The following ST18 variants were observed in gnomAD, a reference collection of about 807,000 sequenced individuals.
ST18 encodes ST18 C2H2C-type zinc finger transcription factor, also known as suppression of tumorigenicity 18 protein.
ST18 carries 50 observed loss-of-function variants against 110.0 expected under a neutral mutation model. The ratio of observed to expected loss-of-function variants is 0.45; its 90% confidence interval spans 0.36 to 0.58. The LOEUF (loss-of-function observed/expected upper bound fraction) is 0.58, where lower values mean the gene tolerates loss of function less well. ST18 is among the 20% of genes least tolerant of loss of function. ST18 has a pLI of 0.00. For synonymous variants in ST18, 461 were observed against 452.4 expected, an observed-to-expected ratio of 1.02 and a Z score of -0.24; for missense variants, 1,306 against 1,280.1, an observed-to-expected ratio of 1.02 and a Z score of -0.31.
chr8:52,255,549 T>C (rs1027397277), intron 2 of ST18, among the ~76,000 whole-genome samples: 19 of 152,168 alleles, frequency 1.2e-4, no homozygotes, highest in African/African-American at 4.6e-4. Flanking sequence ...ACAAGACTTT[T>C]CATACTAACC....
intron 2 of ST18, among the ~76,000 whole-genome samples, chr8:52,306,552 A>G (rs1589769412): frequency 6.6e-6 from 1 of 152,250 alleles, no homozygotes; most frequent in Non-Finnish European, 1.5e-5. Flanking sequence ...GTGTGAGGTC[A>G]AAAGGGAAAT....
intron 8 of ST18, among the ~76,000 whole-genome samples, chr8:52,208,183 G>T (rs1262607811): frequency 2.6e-5 from 4 of 152,154 alleles, no homozygotes; most frequent in Admixed American, 2.6e-4. Flanking sequence ...ATTTAAATTA[G>T]TTTCATTTGT....
chr8:52,118,210 T>C, intron 24 of ST18, 128 bp downstream of exon 24: 2 of 592,586 alleles, frequency 3.4e-6, no homozygotes. Context: ...AATTATGGAA[T>C]CTAGAAACAC....
chr8:52,209,789 ATATAT>A (rs1295894433), intron 8 of ST18, among the ~76,000 whole-genome samples: 86 of 82,900 alleles, frequency 1.0e-3, no homozygotes, highest in African/African-American at 4.4e-3. Flanking sequence ...AAAAAAAAAA[ATATAT>A]ATATATATAT....
At chr8:52,242,525 GA>G (rs2093510919) in intron 2 of ST18, among the ~76,000 whole-genome samples, 1 of 152,152 alleles carries the variant, frequency 6.6e-6, no homozygotes, top group African/African-American at 2.4e-5. Flanking sequence ...TTGTGAGAAT[GA>G]AAAGAATTAA....
At chr8:52,153,518 C>T (rs2059308877) in intron 15 of ST18, among the ~76,000 whole-genome samples, 1 of 152,276 alleles carries the variant, frequency 6.6e-6, no homozygotes, top group East Asian at 1.9e-4. Flanking sequence ...ATGAAAATAT[C>T]TTACTCTTAC....
chr8:52,196,746 G>A (rs1175227898), intron 8 of ST18, among the ~76,000 whole-genome samples: 3 of 152,248 alleles, frequency 2.0e-5, no homozygotes, highest in African/African-American at 2.4e-5. Context: ...TGTATATAGG[G>A]TTTGGTACTA....
intron 8 of ST18, among the ~76,000 whole-genome samples, chr8:52,211,527 C>T (rs956488866): frequency 6.6e-6 from 1 of 151,876 alleles, no homozygotes; most frequent in Non-Finnish European, 1.5e-5. Context: ...CTGCCACAGC[C>T]TCCTGAGTAG....
chr8:52,305,103 T>A (rs1349966133), intron 2 of ST18, among the ~76,000 whole-genome samples: 1 of 152,184 alleles, frequency 6.6e-6, no homozygotes, highest in Non-Finnish European at 1.5e-5. Flanking sequence ...TAAGTAGTAG[T>A]AGGAAATTCT....
chr8:52,191,604 AGTTAGTTCGTACATG>A (rs2074509098), intron 8 of ST18, among the ~76,000 whole-genome samples: 2 of 152,236 alleles, frequency 1.3e-5, no homozygotes, highest in South Asian at 4.2e-4. Flanking sequence ...GAAAAGGAAG[AGTTAGTTCGTACATG>A]GTTCACCTCA....
intron 8 of ST18, among the ~76,000 whole-genome samples, chr8:52,193,748 A>G (rs1477240357): frequency 3.3e-5 from 5 of 152,208 alleles, no homozygotes; most frequent in African/African-American, 1.2e-4. Context: ...TGACAAATTC[A>G]CTTTTACCCA....
intron 8 of ST18, among the ~76,000 whole-genome samples, chr8:52,208,082 T>A (rs1453903013): frequency 6.6e-6 from 1 of 152,222 alleles, no homozygotes; most frequent in African/African-American, 2.4e-5. Flanking sequence ...ATTGCTTTTT[T>A]AATGGTGATG....
chr8:52,373,795 A>G (rs1831137659), intron 2 of ST18, among the ~76,000 whole-genome samples: 1 of 152,130 alleles, frequency 6.6e-6, no homozygotes. Context: ...TGTTTGGCAG[A>G]AGCATCCAAC....
intron 8 of ST18, among the ~76,000 whole-genome samples, chr8:52,196,386 T>G (rs1423580370): frequency 3.9e-5 from 6 of 152,206 alleles, no homozygotes; most frequent in Admixed American, 3.9e-4. Flanking sequence ...AGAAGCTTCA[T>G]TCACCCCACC....
intron 2 of ST18, among the ~76,000 whole-genome samples, chr8:52,339,202 T>C (rs1564528021): frequency 6.6e-6 from 1 of 152,138 alleles, no homozygotes. Context: ...TCTTGCTGGC[T>C]GGCACCAGGC....
At chr8:52,196,454 C>G (rs2076206742) in intron 8 of ST18, among the ~76,000 whole-genome samples, 1 of 152,206 alleles carries the variant, frequency 6.6e-6, no homozygotes, top group Non-Finnish European at 1.5e-5. Flanking sequence ...CCTGTGAGGA[C>G]TGATGTCCCG....
At chr8:52,137,527 C>G in intron 17 of ST18, 44 bp from the exon 18 acceptor site, 1 of 1,601,746 alleles carries the variant, frequency 6.2e-7, no homozygotes, top group Middle Eastern at 1.7e-4. Flanking sequence ...GCGCATTTCC[C>G]AGGTTCATTT....
intron 8 of ST18, among the ~76,000 whole-genome samples, chr8:52,189,668 C>A (rs956285335): frequency 2.0e-5 from 3 of 152,064 alleles, no homozygotes; most frequent in Non-Finnish European, 2.9e-5. Flanking sequence ...GAACAATTAC[C>A]CTGGGGAAAA....
chr8:52,170,290 T>C (rs1403333834), intron 10 of ST18, among the ~76,000 whole-genome samples: 1 of 152,114 alleles, frequency 6.6e-6, no homozygotes, highest in Non-Finnish European at 1.5e-5. Context: ...ACCCCGTCTC[T>C]ACTGAAAATA....
Sources: gnomAD v4.1 joint callset for allele counts (sites outside exome capture counted in the v4.1 genomes callset) on GRCh38, gnomAD v4.1.1 for gene constraint, MANE v1.5 for transcripts, NCBI Gene and HGNC (gene_info 2026-07-23, HGNC 2026-07-21) for gene names.